Variants in GPATCH2 observed in about 807,000 individuals in gnomAD.
The protein encoded by GPATCH2 is G patch domain-containing protein 2.
Under a neutral mutation model 58.0 loss-of-function variants are expected in GPATCH2, and 51 were observed. The observed-to-expected ratio is 0.88, with a 90% CI of 0.70 to 1.11. The LOEUF (loss-of-function observed/expected upper bound fraction) is 1.11, where lower values mean the gene tolerates loss of function less well. Among genes scored for constraint, GPATCH2 ranks in the 50% most tolerant of loss-of-function variants. GPATCH2 has a pLI of 0.00. For missense variants in GPATCH2, 625 were observed against 652.2 expected (o/e 0.96, Z 0.45); for synonymous variants, 222 against 218.5 (o/e 1.02, Z -0.14).
intron 8 of GPATCH2, among the ~76,000 whole-genome samples, chr1:217,452,828 A>G (rs1446209846): frequency 1.3e-5 from 2 of 152,206 alleles, no homozygotes; most frequent in Admixed American, 1.3e-4. Flanking sequence ...TAAACTCAGC[A>G]ACACCAAACC....
intron 5 of GPATCH2, among the ~76,000 whole-genome samples, chr1:217,516,297 G>A (rs1012381526): frequency 1.3e-5 from 2 of 152,006 alleles, no homozygotes; most frequent in Admixed American, 1.3e-4. Context: ...GCATGAGACA[G>A]CAATAAAATT....
At chr1:217,611,953 G>A (rs1174398478) in intron 3 of GPATCH2, among the ~76,000 whole-genome samples, 2 of 152,114 alleles carry the variant, frequency 1.3e-5, no homozygotes, top group Non-Finnish European at 2.9e-5. Flanking sequence ...GCCAAAGTGG[G>A]AGGATCATTT....
At chr1:217,599,714 T>C (rs554887014) in intron 5 of GPATCH2, among the ~76,000 whole-genome samples, 2 of 152,320 alleles carry the variant, frequency 1.3e-5, no homozygotes, top group African/African-American at 4.8e-5. Context: ...CCAAAAACTT[T>C]ATAGTTGAAA....
intron 5 of GPATCH2, among the ~76,000 whole-genome samples, chr1:217,525,393 C>CT (rs1298674152): frequency 6.6e-6 from 1 of 152,054 alleles, no homozygotes; most frequent in Non-Finnish European, 1.5e-5. Flanking sequence ...TTATAAAAAT[C>CT]TTTTTTATCT....
intron 9 of GPATCH2, among the ~76,000 whole-genome samples, chr1:217,436,875 C>G (rs1216293985): frequency 6.6e-6 from 1 of 152,156 alleles, no homozygotes. Flanking sequence ...ACCCTTTCAG[C>G]CGACTGAACA....
chr1:217,627,451 A>G (rs749993918), intron 1 of GPATCH2, among the ~76,000 whole-genome samples: 1 of 152,108 alleles, frequency 6.6e-6, no homozygotes, highest in Non-Finnish European at 1.5e-5. Context: ...AGCTAAAAAA[A>G]AATTTTAAAT....
intron 8 of GPATCH2, among the ~76,000 whole-genome samples, chr1:217,483,475 G>A (rs1661308988): frequency 6.6e-6 from 1 of 152,054 alleles, no homozygotes; most frequent in Non-Finnish European, 1.5e-5. Context: ...ATAAGCCACT[G>A]TGCCTAGACC....
chr1:217,620,074 C>T lies in GPATCH2; in HGVS notation c.482G>A (p.Arg161Lys), dbSNP rs758800521. Residue 161 changes from arginine to lysine, a missense_variant, in exon 2 of 10, where the codon AGG becomes AAG. Physicochemically the swap from Arg to Lys is conservative, Grantham distance 26. Transcript: ENST00000366935. ...DNVGNRTLRRRRKVKRMAVDL... is the reference protein window; with the variant it reads ...DNVGNRTLRRKRKVKRMAVDL... ...TACTGCCATGCGTTTTACCTTTCTC[C>T]TCCTGCGCAGAGTTCTATTCCCAAC... The T allele has an allele frequency of 1.2e-6, 2 of 1,613,998 alleles. No individual in the cohort carries two copies. Among genetic ancestry groups the T allele is most frequent in the South Asian group, 2.2e-5 (2 of 91,082 alleles).
At chr1:217,479,221 A>T (rs776329576) in intron 8 of GPATCH2, among the ~76,000 whole-genome samples, 1 of 152,328 alleles carries the variant, frequency 6.6e-6, no homozygotes, top group South Asian at 2.1e-4. Flanking sequence ...GTAAGTACAC[A>T]GAAAAACACA....
chr1:217,491,862 CTTT>C (rs34921892), intron 7 of GPATCH2, 112 bp from the exon 8 acceptor site: 2,387 of 330,120 alleles, frequency 7.2e-3, no homozygotes, highest in East Asian at 9.9e-3. Context: ...ATTTGCACGG[CTTT>C]TTTTTTTTTT....
At chr1:217,513,498 A>C (rs1169084997) in intron 6 of GPATCH2, among the ~76,000 whole-genome samples, 1 of 152,200 alleles carries the variant, frequency 6.6e-6, no homozygotes, top group Non-Finnish European at 1.5e-5. Context: ...AATTTATTCA[A>C]TAATTAATTC....
rs76397021 is a variant in GPATCH2 at position 217,522,567 on chromosome 1, T to A, written c.1099-7678A>T. 5.7e-3 allele frequency among the ~76,000 whole-genome samples: 875 copies of A among 152,328 alleles called. 8 individuals are homozygous for A. The highest frequency in any genetic ancestry group is 0.02 in the African/African-American group (820 of 41,590). The stretch of plus-strand genomic sequence containing the variant: ...AAGAAAGTAAGGATATGGCCACATA[T>A]GTTTACGTAAAATCCACTGTGCCTA... On this transcript the variant is annotated intron_variant, in intron 5 of 9. Coordinates refer to ENST00000366935, the MANE Select transcript of GPATCH2 (RefSeq NM_018040.5).
intron 1 of GPATCH2, among the ~76,000 whole-genome samples, chr1:217,620,979 AC>A (rs1417471052): frequency 1.3e-5 from 2 of 152,200 alleles, no homozygotes; most frequent in Admixed American, 1.3e-4. Context: ...AGTTAGAAAG[AC>A]AGACAGGTAG....
intron 5 of GPATCH2, among the ~76,000 whole-genome samples, chr1:217,602,324 C>T (rs1244467131): frequency 6.6e-6 from 1 of 151,974 alleles, no homozygotes; most frequent in Non-Finnish European, 1.5e-5. Context: ...TCCTGAATAC[C>T]CCATGCTTTT....
At chr1:217,456,164 G>T (rs1237278357) in intron 8 of GPATCH2, among the ~76,000 whole-genome samples, 3 of 152,140 alleles carry the variant, frequency 2.0e-5, no homozygotes, top group Admixed American at 2.0e-4. Context: ...GCACTGAGCT[G>T]GTTAACACTT....
intron 5 of GPATCH2, among the ~76,000 whole-genome samples, chr1:217,568,847 G>A (rs1226102038): frequency 6.6e-6 from 1 of 152,154 alleles, no homozygotes; most frequent in Admixed American, 6.5e-5. Context: ...TCTAGCTGTT[G>A]TTTTGACAAC....
chr1:217,494,078 G>A (rs1350434900), intron 7 of GPATCH2, among the ~76,000 whole-genome samples: 1 of 152,154 alleles, frequency 6.6e-6, no homozygotes, highest in Non-Finnish European at 1.5e-5. Context: ...CAATCTGGAT[G>A]AATTTAAATG....
intron 5 of GPATCH2, among the ~76,000 whole-genome samples, chr1:217,533,392 C>G (rs886820365): frequency 1.3e-5 from 2 of 152,084 alleles, no homozygotes; most frequent in South Asian, 4.1e-4. Flanking sequence ...AATACCACTG[C>G]ACAGTTGTGA....
chr1:217,526,737 G>GAACCCC (rs772699388), intron 5 of GPATCH2, among the ~76,000 whole-genome samples: 1 of 152,158 alleles, frequency 6.6e-6, no homozygotes, highest in Non-Finnish European at 1.5e-5. Flanking sequence ...TTATAGCAGG[G>GAACCCC]AACCCCAACC....
Sources: gnomAD v4.1 joint callset for allele counts (sites outside exome capture counted in the v4.1 genomes callset) on GRCh38, gnomAD v4.1.1 for gene constraint, MANE v1.5 for transcripts, NCBI Gene and HGNC (gene_info 2026-07-23, HGNC 2026-07-21) for gene names.